Variants in LDAH observed in about 807,000 individuals in gnomAD.
The protein encoded by LDAH is lipid droplet associated hydrolase.
LDAH carries 26 observed loss-of-function variants against 29.6 expected under a neutral mutation model. The ratio of observed to expected loss-of-function variants is 0.88; its 90% CI spans 0.64 to 1.22. The LOEUF (loss-of-function observed/expected upper bound fraction) is 1.22. Ranked by LOEUF, LDAH falls within the 50% of genes most tolerant of loss-of-function variation. LDAH has a pLI of 0.00. For synonymous variants in LDAH, 117 were observed against 133.0 expected (o/e 0.88, Z 0.83); for missense variants, 344 against 387.3 (o/e 0.89, Z 0.94).
At chr2:20,809,280 T>C (rs1200077001) in intron 1 of LDAH, among the ~76,000 whole-genome samples, 1 of 150,854 alleles carries the variant, frequency 6.6e-6, no homozygotes, top group Non-Finnish European at 1.5e-5. Flanking sequence ...GTGCCTGTAA[T>C]CCCAGCTACT....
chr2:20,725,824 T>A (rs1007677002), intron 5 of LDAH, among the ~76,000 whole-genome samples: 3 of 152,164 alleles, frequency 2.0e-5, no homozygotes, highest in African/African-American at 7.2e-5. Flanking sequence ...TCTGGCTGAA[T>A]GTTAGACATG....
chr2:20,684,981 G>A lies in LDAH; in HGVS notation c.*1922C>T, dbSNP rs1189572339. ...CACTTTAAAAGAGAGACTTTGAGCC[G>A]AGTCTAACTCAGGAGAACTGCTCAA... is the stretch of plus-strand genomic sequence containing the variant. On this transcript the variant is annotated 3_prime_UTR_variant, in exon 7 of 7. Coordinates refer to ENST00000237822, the MANE Select transcript of LDAH (RefSeq NM_021925.4). 14 of 1,545,384 alleles carry A rather than the reference G, an allele frequency of 9.1e-6. No individual in the cohort carries two copies. The Admixed American group carries it at 1.8e-4, about 20-fold the overall frequency.
chr2:20,687,506 T>C lies in LDAH; in HGVS notation c.787-412A>G, dbSNP rs113787456. The stretch of plus-strand genomic sequence containing the variant: ...TTTCCAAATAGCCACATGGTAGTCA[T>C]ATGGGATGTATTTGTTGAATGAATA... On this transcript the variant is annotated intron_variant, in intron 6 of 6. Transcript: ENST00000237822. 3.7e-3 allele frequency among the ~76,000 whole-genome samples: 566 copies of C among 152,352 alleles called. 4 individuals carry two copies. In the South Asian group the frequency reaches 0.043, roughly 12 times the overall value.
At chr2:20,813,207 CCTT>C (rs1036072357) in intron 1 of LDAH, among the ~76,000 whole-genome samples, 3 of 152,300 alleles carry the variant, frequency 2.0e-5, no homozygotes, top group African/African-American at 7.2e-5. Flanking sequence ...TACCTCTCCT[CCTT>C]ACCATCCATA....
chr2:20,719,740 T>C (rs899193064), intron 5 of LDAH, among the ~76,000 whole-genome samples: 3 of 152,186 alleles, frequency 2.0e-5, no homozygotes, highest in Admixed American at 2.0e-4. Context: ...ACTAGCAAAC[T>C]GAATTCAGTA....
At chr2:20,775,970 ATGC>A (rs1285325673) in intron 3 of LDAH, among the ~76,000 whole-genome samples, 1 of 152,196 alleles carries the variant, frequency 6.6e-6, no homozygotes, top group Non-Finnish European at 1.5e-5. Context: ...ATCTCTGAGG[ATGC>A]TGGCCACTCT....
chr2:20,793,781 T>C (rs1052218719), intron 2 of LDAH, among the ~76,000 whole-genome samples: 4 of 148,462 alleles, frequency 2.7e-5, no homozygotes, highest in Non-Finnish European at 5.9e-5. Flanking sequence ...AATAAACTTT[T>C]AGAAAGACAG....
chr2:20,784,903 A>C (rs988965630), intron 3 of LDAH, among the ~76,000 whole-genome samples: 2 of 152,248 alleles, frequency 1.3e-5, no homozygotes, highest in East Asian at 1.9e-4. Flanking sequence ...AACAAAAAAA[A>C]CAAAAAAACA....
intron 4 of LDAH, among the ~76,000 whole-genome samples, chr2:20,774,051 C>T (rs1243805472): frequency 6.6e-6 from 1 of 152,168 alleles, no homozygotes. Context: ...AGCACAGGAT[C>T]TGACACATGG....
chr2:20,793,400 A>C (rs1269302560), intron 2 of LDAH, among the ~76,000 whole-genome samples: 1 of 152,166 alleles, frequency 6.6e-6, no homozygotes, highest in East Asian at 1.9e-4. Flanking sequence ...CCCTCAAGAA[A>C]TAAAGATCTT....
At chr2:20,764,585 A>C (rs898432586) in intron 4 of LDAH, among the ~76,000 whole-genome samples, 1 of 152,190 alleles carries the variant, frequency 6.6e-6, no homozygotes, top group African/African-American at 2.4e-5. Flanking sequence ...CATTTCTCTC[A>C]GTTCTCTCTG....
chr2:20,813,525 A>G (rs549694800), intron 1 of LDAH, among the ~76,000 whole-genome samples: 33 of 152,266 alleles, frequency 2.2e-4, no homozygotes, highest in African/African-American at 7.7e-4. Context: ...GTTTTTTCAG[A>G]ACAATGCTGC....
chr2:20,758,177 CTTTA>C (rs771749783), intron 4 of LDAH, among the ~76,000 whole-genome samples: 1 of 152,132 alleles, frequency 6.6e-6, no homozygotes, highest in Non-Finnish European at 1.5e-5. Context: ...CAGACACAAT[CTTTA>C]TTTATTTTCA....
chr2:20,715,614 T>C (rs1665118167), intron 5 of LDAH, among the ~76,000 whole-genome samples: 1 of 152,166 alleles, frequency 6.6e-6, no homozygotes, highest in South Asian at 2.1e-4. Context: ...GATGACATGA[T>C]TGTATATTTA....
intron 5 of LDAH, among the ~76,000 whole-genome samples, chr2:20,708,364 G>C (rs941228764): frequency 2.6e-5 from 4 of 152,238 alleles, no homozygotes; most frequent in African/African-American, 9.6e-5. Flanking sequence ...AGCAAGACCA[G>C]AAAGTATCAA....
intron 5 of LDAH, among the ~76,000 whole-genome samples, chr2:20,737,000 A>G (rs1389748025): frequency 6.6e-6 from 1 of 152,198 alleles, no homozygotes; most frequent in Non-Finnish European, 1.5e-5. Flanking sequence ...AGAACTATAC[A>G]AAGTAGGGAG....
intron 4 of LDAH, among the ~76,000 whole-genome samples, chr2:20,769,373 A>G (rs1261834506): frequency 6.6e-6 from 1 of 152,218 alleles, no homozygotes; most frequent in African/African-American, 2.4e-5. Context: ...GGATTCTGAC[A>G]AAATTTACTA....
At chr2:20,802,217 G>A (rs935319837) in intron 1 of LDAH, among the ~76,000 whole-genome samples, 9 of 151,738 alleles carry the variant, frequency 5.9e-5, no homozygotes, top group Non-Finnish European at 8.8e-5. Flanking sequence ...GTACCACCAC[G>A]CCTGGCTAAT....
chr2:20,740,822 T>C (rs577955489), intron 4 of LDAH, among the ~76,000 whole-genome samples: 3 of 152,328 alleles, frequency 2.0e-5, no homozygotes, highest in African/African-American at 7.2e-5. Context: ...AGAATATGTT[T>C]AGCTTTGTAT....
Sources: gnomAD v4.1 joint callset for allele counts (sites outside exome capture counted in the v4.1 genomes callset) on GRCh38, gnomAD v4.1.1 for gene constraint, MANE v1.5 for transcripts, NCBI Gene and HGNC (gene_info 2026-07-23, HGNC 2026-07-21) for gene names.